The following TMEM17 variants were observed in gnomAD, a reference collection of about 807,000 sequenced individuals.
TMEM17 encodes transmembrane protein 17.
A neutral mutation model predicts 19.1 loss-of-function variants in TMEM17; 15 were observed. The observed-to-expected ratio is 0.78, with a 90% CI of 0.52 to 1.21. TMEM17 has a LOEUF of 1.21. Among genes scored for constraint, TMEM17 ranks in the 50% most tolerant of loss-of-function variants. The pLI is 0.00. For missense variants in TMEM17, 245 were observed against 242.3 expected (o/e 1.01, Z -0.07); for synonymous variants, 103 against 86.9 (o/e 1.19, Z -1.03).
the TMEM17 span, among the ~76,000 whole-genome samples, chr2:62,472,559 G>T: frequency 6.6e-6 from 1 of 152,188 alleles, no homozygotes; most frequent in African/African-American, 2.4e-5. Context: ...TGGAAGTTTT[G>T]CTGGCTGTCA....
chr2:62,481,519 CA>C, the TMEM17 span, among the ~76,000 whole-genome samples: 2 of 151,960 alleles, frequency 1.3e-5, no homozygotes, highest in Non-Finnish European at 2.9e-5. Flanking sequence ...TAGTTCTTAG[CA>C]AAAAAACTTG....
the TMEM17 span, among the ~76,000 whole-genome samples, chr2:62,469,671 T>C: frequency 1.3e-5 from 2 of 152,246 alleles, no homozygotes; most frequent in African/African-American, 4.8e-5. Context: ...GCTGTTCTTC[T>C]GAGTATAGTT....
At chr2:62,500,102 C>T (rs1573433516), downstream of TMEM17, 1 of 152,178 alleles carries the variant, frequency 6.6e-6, no homozygotes, top group African/African-American at 2.4e-5. Context: ...AAAATGCCTA[C>T]TACAGTGCCC....
chr2:62,466,459 G>T, the TMEM17 span, among the ~76,000 whole-genome samples: 1 of 152,236 alleles, frequency 6.6e-6, no homozygotes, highest in African/African-American at 2.4e-5. Context: ...TAAACCAAAT[G>T]CGATGTGAGT....
At chr2:62,473,988 G>A in the TMEM17 span, among the ~76,000 whole-genome samples, 1 of 152,102 alleles carries the variant, frequency 6.6e-6, no homozygotes, top group African/African-American at 2.4e-5. Context: ...ACAGCCACAG[G>A]ACCATCCATG....
chr2:62,505,814 C>T (rs1224304253), intron 1 of TMEM17, among the ~76,000 whole-genome samples: 1 of 152,208 alleles, frequency 6.6e-6, no homozygotes, highest in East Asian at 1.9e-4. Context: ...GGCCAGGGAG[C>T]ACCACGCGGA....
chr2:62,469,427 T>G, the TMEM17 span, among the ~76,000 whole-genome samples: 3 of 152,260 alleles, frequency 2.0e-5, no homozygotes, highest in Non-Finnish European at 4.4e-5. Context: ...TGCCAAGATC[T>G]TTTCAGCTAA....
At chr2:62,480,961 G>A in the TMEM17 span, among the ~76,000 whole-genome samples, 1 of 151,986 alleles carries the variant, frequency 6.6e-6, no homozygotes, top group South Asian at 2.1e-4. Flanking sequence ...GTATGTCATT[G>A]GTATTTTGAT....
the TMEM17 span, among the ~76,000 whole-genome samples, chr2:62,489,774 CTG>C: frequency 6.6e-6 from 1 of 152,094 alleles, no homozygotes; most frequent in Non-Finnish European, 1.5e-5. Flanking sequence ...AATTTGAACT[CTG>C]TTAAAAAAAT....
At chr2:62,477,768 C>T in the TMEM17 span, among the ~76,000 whole-genome samples, 1 of 152,202 alleles carries the variant, frequency 6.6e-6, no homozygotes, top group Non-Finnish European at 1.5e-5. Context: ...CTTGGAATGA[C>T]TGAGATACAA....
At chr2:62,486,167 C>T in the TMEM17 span, among the ~76,000 whole-genome samples, 2 of 152,100 alleles carry the variant, frequency 1.3e-5, no homozygotes, top group African/African-American at 2.4e-5. Context: ...ATGGTTCAGG[C>T]CTGGCTGGGG....
chr2:62,481,698 GGTGTGTGTGTGTGTGTGT>G, the TMEM17 span, among the ~76,000 whole-genome samples: 5 of 144,050 alleles, frequency 3.5e-5, no homozygotes, highest in Non-Finnish European at 6.0e-5. Context: ...ACCCCTTAAA[GGTGTGTGTGTGTGTGTGT>G]GTGTGTGTGT....
chr2:62,500,000 G>A (rs1679877876), downstream of TMEM17, among the ~76,000 whole-genome samples: 2 of 152,316 alleles, frequency 1.3e-5, no homozygotes, highest in South Asian at 2.1e-4. Context: ...AGGCGCTCTG[G>A]TTTCCAAATC....
chr2:62,469,361 AC>A, the TMEM17 span, among the ~76,000 whole-genome samples: 1 of 152,146 alleles, frequency 6.6e-6, no homozygotes, highest in Non-Finnish European at 1.5e-5. Flanking sequence ...GGAAGTACAA[AC>A]TTTGCTGAGA....
At chr2:62,454,302 C>T in the TMEM17 span, among the ~76,000 whole-genome samples, 4 of 152,176 alleles carry the variant, frequency 2.6e-5, no homozygotes, top group South Asian at 8.3e-4. Context: ...GAGCAGATTC[C>T]ATGCCTCCCT....
downstream of TMEM17, among the ~76,000 whole-genome samples, chr2:62,498,890 T>C (rs1573432444): frequency 6.6e-6 from 1 of 152,182 alleles, no homozygotes; most frequent in East Asian, 1.9e-4. Context: ...TATATTCAAA[T>C]AAAATGAAAG....
At chr2:62,491,398 C>A in the TMEM17 span, 582 of 151,976 alleles carry the variant, frequency 3.8e-3, 4 homozygotes, top group Non-Finnish European at 6.6e-3. Context: ...GTCAAAAACT[C>A]CCATGCTGAT....
chr2:62,477,036 G>A, the TMEM17 span, among the ~76,000 whole-genome samples: 1 of 152,152 alleles, frequency 6.6e-6, no homozygotes, highest in African/African-American at 2.4e-5. Context: ...GAGGGAAGGA[G>A]GGATAGTCAA....
chr2:62,495,862 T>C (rs150957739), downstream of TMEM17, among the ~76,000 whole-genome samples: 47 of 152,252 alleles, frequency 3.1e-4, no homozygotes, highest in African/African-American at 1.1e-3. Flanking sequence ...TCTGAAAAAA[T>C]TCAATATTCA....
Sources: allele counts gnomAD v4.1 joint callset (sites outside exome capture counted in the v4.1 genomes callset), GRCh38; gene constraint gnomAD v4.1.1; transcripts MANE v1.5; gene names NCBI Gene and HGNC (gene_info 2026-07-23, HGNC 2026-07-21).